Variants in DIAPH3 observed in about 807,000 individuals in gnomAD.
DIAPH3 encodes the protein protein diaphanous homolog 3.
A neutral mutation model predicts 144.3 loss-of-function variants in DIAPH3; 117 were observed. That is an observed-to-expected ratio of 0.81 (90% CI 0.70 to 0.95). The LOEUF (loss-of-function observed/expected upper bound fraction) is 0.95. DIAPH3 is among the 40% of genes least tolerant of loss of function. The pLI, the probability that DIAPH3 is intolerant of heterozygous loss-of-function variation, is 0.00. For missense variants in DIAPH3, 1,421 were observed against 1,412.7 expected, an observed-to-expected ratio of 1.01 and a Z score of -0.09; for synonymous variants, 519 against 488.9, an observed-to-expected ratio of 1.06 and a Z score of -0.81.
intron 24 of DIAPH3, chr13:59,832,894 A>T: frequency 4.0e-6 from 2 of 497,656 alleles, no homozygotes; most frequent in East Asian, 3.4e-5. Flanking sequence ...CACTTTTTCA[A>T]TCAAAATGTC....
At chr13:59,812,384 G>C (rs577677302) in intron 24 of DIAPH3, among the ~76,000 whole-genome samples, 4 of 151,650 alleles carry the variant, frequency 2.6e-5, no homozygotes, top group South Asian at 2.1e-4. Context: ...TTGTAAAGTA[G>C]GGGAGAAAAA....
At chr13:59,881,469 G>A (rs974177789) in intron 20 of DIAPH3, among the ~76,000 whole-genome samples, 4 of 151,898 alleles carry the variant, frequency 2.6e-5, no homozygotes, top group Admixed American at 6.6e-5. Flanking sequence ...TTTGTATTAC[G>A]AAATATATTA....
At chr13:60,128,644 T>A (rs1013884656) in intron 2 of DIAPH3, among the ~76,000 whole-genome samples, 1 of 152,138 alleles carries the variant, frequency 6.6e-6, no homozygotes, top group African/African-American at 2.4e-5. Flanking sequence ...TGCAACTACA[T>A]ATAATAAAGA....
At chr13:59,863,984 C>T (rs532454599) in intron 21 of DIAPH3, among the ~76,000 whole-genome samples, 2 of 152,194 alleles carry the variant, frequency 1.3e-5, no homozygotes, top group African/African-American at 2.4e-5. Context: ...TCACTTTTTA[C>T]TCTAAAAATG....
intron 25 of DIAPH3, among the ~76,000 whole-genome samples, chr13:59,780,887 G>A (rs894968983): frequency 2.6e-5 from 4 of 152,104 alleles, no homozygotes; most frequent in Non-Finnish European, 5.9e-5. Context: ...CTGGAAATTC[G>A]GGCCTCAAAT....
chr13:59,819,401 G>A (rs1253976331), intron 24 of DIAPH3, among the ~76,000 whole-genome samples: 1 of 151,660 alleles, frequency 6.6e-6, no homozygotes. Flanking sequence ...GGACAGCCAC[G>A]TTTTTAAAAT....
At chr13:59,820,637 T>G (rs1374424764) in intron 24 of DIAPH3, among the ~76,000 whole-genome samples, 2 of 151,498 alleles carry the variant, frequency 1.3e-5, no homozygotes, top group African/African-American at 2.4e-5. Flanking sequence ...CCCCTCCTTC[T>G]AAAAAAAGCA....
At chr13:59,941,735 C>A (rs924443154) in intron 17 of DIAPH3, among the ~76,000 whole-genome samples, 1 of 151,954 alleles carries the variant, frequency 6.6e-6, no homozygotes, top group Non-Finnish European at 1.5e-5. Context: ...TTTCAAGTAA[C>A]AACTGAAAAA....
intron 17 of DIAPH3, among the ~76,000 whole-genome samples, chr13:59,945,425 G>C (rs1408496092): frequency 6.6e-6 from 1 of 152,136 alleles, no homozygotes; most frequent in East Asian, 1.9e-4. Context: ...ACCTTTCATG[G>C]GAGAGGCATC....
chr13:60,057,045 G>C (rs537601456), intron 4 of DIAPH3, among the ~76,000 whole-genome samples: 1 of 151,966 alleles, frequency 6.6e-6, no homozygotes, highest in East Asian at 1.9e-4. Flanking sequence ...CACCGTACTG[G>C]AAGTCCTAGC....
At chr13:59,767,953 A>C (rs1248989295) in intron 27 of DIAPH3, among the ~76,000 whole-genome samples, 1 of 152,198 alleles carries the variant, frequency 6.6e-6, no homozygotes, top group East Asian at 1.9e-4. Flanking sequence ...CCCTGACTAT[A>C]AATTAGATAA....
At chr13:60,122,554 T>C (rs2058873710) in intron 2 of DIAPH3, among the ~76,000 whole-genome samples, 1 of 152,216 alleles carries the variant, frequency 6.6e-6, no homozygotes, top group Non-Finnish European at 1.5e-5. Flanking sequence ...AGTGAATAAA[T>C]TAATAATTAG....
At chr13:59,914,834 C>A (rs1356071778) in intron 19 of DIAPH3, among the ~76,000 whole-genome samples, 3 of 151,964 alleles carry the variant, frequency 2.0e-5, no homozygotes, top group African/African-American at 7.3e-5. Flanking sequence ...ATAGTAAGAC[C>A]AATATCAGAC....
At chr13:59,667,258 C>A (rs2032074274) in intron 27 of DIAPH3, among the ~76,000 whole-genome samples, 1 of 152,190 alleles carries the variant, frequency 6.6e-6, no homozygotes, top group Non-Finnish European at 1.5e-5. Context: ...CTTCACAGGG[C>A]ACATGATGGC....
At chr13:59,749,127 T>C (rs1241774537) in intron 27 of DIAPH3, among the ~76,000 whole-genome samples, 2 of 143,656 alleles carry the variant, frequency 1.4e-5, no homozygotes, top group East Asian at 4.1e-4. Context: ...GGCAGGAGAA[T>C]CGCTTGTGCC....
At chr13:60,092,574 C>T (rs112886609) in intron 4 of DIAPH3, among the ~76,000 whole-genome samples, 204 of 152,202 alleles carry the variant, frequency 1.3e-3, no homozygotes, top group African/African-American at 4.9e-3. Flanking sequence ...TGGCGTGAAC[C>T]CGGGAGGCGG....
chr13:59,989,319 T>C (rs1365362673), intron 12 of DIAPH3, among the ~76,000 whole-genome samples: 1 of 151,840 alleles, frequency 6.6e-6, no homozygotes, highest in Non-Finnish European at 1.5e-5. Context: ...AAAATATATG[T>C]AAATTATCAC....
At chr13:59,758,769 T>A (rs2037414725) in intron 27 of DIAPH3, among the ~76,000 whole-genome samples, 1 of 151,278 alleles carries the variant, frequency 6.6e-6, no homozygotes, top group Non-Finnish European at 1.5e-5. Flanking sequence ...GAGGCAAGAA[T>A]TTTCTCTCTC....
At chr13:60,129,886 T>C (rs2059095598) in intron 2 of DIAPH3, among the ~76,000 whole-genome samples, 1 of 152,196 alleles carries the variant, frequency 6.6e-6, no homozygotes, top group Non-Finnish European at 1.5e-5. Context: ...ATCTATAACA[T>C]ATACCCTGGA....
Sources: allele counts gnomAD v4.1 joint callset (sites outside exome capture counted in the v4.1 genomes callset), GRCh38; gene constraint gnomAD v4.1.1; transcripts MANE v1.5; gene names NCBI Gene and HGNC (gene_info 2026-07-23, HGNC 2026-07-21).